The following SMAD9 variants were observed in gnomAD, a reference collection of about 807,000 sequenced individuals.
The protein encoded by SMAD9 is MAD homolog 9.
A neutral mutation model predicts 46.1 loss-of-function variants in SMAD9; 36 were observed. The observed-to-expected ratio is 0.78, with a 90% CI of 0.60 to 1.03. The LOEUF (loss-of-function observed/expected upper bound fraction) is 1.03, where lower values mean the gene tolerates loss of function less well. SMAD9 is among the 50% of genes least tolerant of loss of function. The pLI, the probability that SMAD9 is intolerant of heterozygous loss-of-function variation, is 0.00. For missense variants in SMAD9, 572 were observed against 599.8 expected, an observed-to-expected ratio of 0.95 and a Z score of 0.48; for synonymous variants, 245 against 237.1, an observed-to-expected ratio of 1.03 and a Z score of -0.31.
At chr13:36,897,981 C>T (rs562858923) in intron 1 of SMAD9, among the ~76,000 whole-genome samples, 78 of 151,544 alleles carry the variant, frequency 5.1e-4, no homozygotes, top group Non-Finnish European at 9.9e-4. Context: ...CTCAGCCTCC[C>T]GAGTAGCTAG....
chr13:36,865,439 C>T (rs1245986119), intron 5 of SMAD9, 98 bp downstream of exon 5: 8 of 981,744 alleles, frequency 8.1e-6, no homozygotes, highest in Non-Finnish European at 1.3e-5. Flanking sequence ...TCCACAGGGG[C>T]ACATGACCAA....
chr13:36,887,040 G>GTTTTTTTT (rs200264324), intron 1 of SMAD9, among the ~76,000 whole-genome samples: 12 of 102,542 alleles, frequency 1.2e-4, no homozygotes, highest in Admixed American at 2.5e-4. Flanking sequence ...CTTTGAATGG[G>GTTTTTTTT]TTTTTTTTTT....
At chr13:36,898,837 C>T (rs984390860) in intron 1 of SMAD9, among the ~76,000 whole-genome samples, 2 of 152,146 alleles carry the variant, frequency 1.3e-5, no homozygotes, top group Admixed American at 6.5e-5. Context: ...ATACTGAATA[C>T]TTCTCCTAAG....
At position 36,853,616 on chromosome 13, in the gene SMAD9, T is replaced by A; in HGVS notation, c.1063A>T (p.Ile355Phe). ...VYAECVSDSS[I>F]FVQSRNCNYQ... ...TTGCAGTTCCGGCTCTGCACAAAGA[T>A]GCTGCTGTCACTCACGCACTCGGCA... Residue 355 changes from isoleucine (I) to phenylalanine (F), a missense_variant, in exon 6 of 7, where the codon ATC (isoleucine) becomes TTC (phenylalanine). Ile to Phe is a conservative substitution (Grantham distance 21). Transcript: ENST00000379826. 1 of 1,614,140 alleles carries A rather than the reference T, an allele frequency of 6.2e-7. No homozygotes were observed.
chr13:36,864,442 G>A (rs917768747), intron 5 of SMAD9, among the ~76,000 whole-genome samples: 2 of 152,140 alleles, frequency 1.3e-5, no homozygotes, highest in Admixed American at 1.3e-4. Context: ...AACCAGGCCC[G>A]ACCCTGCTTA....
chr13:36,860,808 ATAT>A (rs1034457193), intron 5 of SMAD9, among the ~76,000 whole-genome samples: 24 of 151,956 alleles, frequency 1.6e-4, no homozygotes, highest in African/African-American at 5.8e-4. Flanking sequence ...CATCATCATC[ATAT>A]TATTATTATT....
At chr13:36,920,688 C>A (rs2058738968), upstream of SMAD9, 2 of 152,394 alleles carry the variant, frequency 1.3e-5, no homozygotes, top group Non-Finnish European at 2.9e-5. Flanking sequence ...GTTGTCAGCC[C>A]AACAAGAATA....
chr13:36,866,484 T>C (rs80328206), intron 4 of SMAD9, among the ~76,000 whole-genome samples: 2,451 of 152,228 alleles, frequency 0.016, 61 homozygotes, highest in African/African-American at 0.055. Context: ...ACTCACACCC[T>C]TTCTCTGCCT....
chr13:36,898,934 C>T (rs1211737933), intron 1 of SMAD9, among the ~76,000 whole-genome samples: 1 of 151,958 alleles, frequency 6.6e-6, no homozygotes, highest in Admixed American at 6.6e-5. Flanking sequence ...AGCAAACAAA[C>T]AAAACCAAAT....
At chr13:36,893,464 A>G (rs1209989903) in intron 1 of SMAD9, among the ~76,000 whole-genome samples, 1 of 148,856 alleles carries the variant, frequency 6.7e-6, no homozygotes. Context: ...ATACACATAA[A>G]GAAACCACTG....
intron 5 of SMAD9, among the ~76,000 whole-genome samples, chr13:36,860,078 C>G (rs2058165634): frequency 6.6e-6 from 1 of 152,156 alleles, no homozygotes; most frequent in Admixed American, 6.5e-5. Flanking sequence ...TCTTAATAAA[C>G]TTGCCCTCAC....
intron 1 of SMAD9, among the ~76,000 whole-genome samples, chr13:36,888,533 C>T (rs896351999): frequency 2.6e-5 from 4 of 152,118 alleles, no homozygotes; most frequent in African/African-American, 9.7e-5. Context: ...CTCTTTTCAC[C>T]TTTATGATAC....
chr13:36,897,164 T>G (rs2058535872), intron 1 of SMAD9, among the ~76,000 whole-genome samples: 1 of 152,232 alleles, frequency 6.6e-6, no homozygotes, highest in Non-Finnish European at 1.5e-5. Context: ...GTGCTATTAT[T>G]ATGAAAATTC....
intron 1 of SMAD9, among the ~76,000 whole-genome samples, chr13:36,911,811 C>T (rs867160379): frequency 1.7e-4 from 26 of 152,156 alleles, no homozygotes; most frequent in East Asian, 3.8e-4. Context: ...TGGGTTCAAG[C>T]GATTCTCCTG....
At chr13:36,852,164 T>A in intron 6 of SMAD9, 1 of 893,806 alleles carries the variant, frequency 1.1e-6, no homozygotes, top group Non-Finnish European at 1.3e-6. Flanking sequence ...AATTGGAAAC[T>A]ATATTGTTCT....
chr13:36,892,696 A>C (rs7994669), intron 1 of SMAD9, among the ~76,000 whole-genome samples: 4,246 of 152,316 alleles, frequency 0.028, 187 homozygotes, highest in African/African-American at 0.097. Flanking sequence ...ATAACTTATC[A>C]GTGATGCTTA....
chr13:36,884,631 T>G (rs2058429917), intron 1 of SMAD9, among the ~76,000 whole-genome samples: 2 of 152,190 alleles, frequency 1.3e-5, no homozygotes, highest in South Asian at 4.1e-4. Flanking sequence ...TTTACCCGGC[T>G]GGGTAACAGT....
intron 1 of SMAD9, among the ~76,000 whole-genome samples, chr13:36,915,557 G>C (rs893971834): frequency 6.6e-6 from 1 of 152,148 alleles, no homozygotes; most frequent in Non-Finnish European, 1.5e-5. Flanking sequence ...GAGAGAGAGA[G>C]AGAGAGAAGA....
At position 36,872,722 on chromosome 13, in the gene SMAD9, G is replaced by A. The variant is rs121918359; in HGVS notation, c.606C>T (p.Cys202=). The A allele has an allele frequency of 5.6e-6, 9 of 1,613,902 alleles. No individual in the cohort carries two copies. In the East Asian group the frequency reaches 1.6e-4, roughly 28 times the overall value. ...CTGGGGAGTGAGGGTAGCTGGCCGTGCACGGGGACTGGGAGAACGCGTGGC... is the reference window on the plus strand; with the variant it reads ...CTGGGGAGTGAGGGTAGCTGGCCGTACACGGGGACTGGGAGAACGCGTGGC... ...SPSHAFSQSP[C]TASYPHSPGS... is the part of the protein sequence containing the mutation. The change falls in exon 3 of 7, where the codon TGC becomes TGT. Residue 202 remains cysteine, a synonymous_variant. Transcript: ENST00000379826.
Sources: gnomAD v4.1 joint callset for allele counts (sites outside exome capture counted in the v4.1 genomes callset) on GRCh38, gnomAD v4.1.1 for gene constraint, MANE v1.5 for transcripts, NCBI Gene and HGNC (gene_info 2026-07-23, HGNC 2026-07-21) for gene names.